Variants in PTPRN2 observed in about 807,000 individuals in gnomAD.
PTPRN2 encodes protein tyrosine phosphatase receptor type N2, also known as receptor-type tyrosine-protein phosphatase N2.
A neutral mutation model predicts 118.8 loss-of-function variants in PTPRN2; 74 were observed. That is an observed-to-expected ratio of 0.62 (90% CI 0.52 to 0.76). PTPRN2 has a LOEUF of 0.76. PTPRN2 is among the 30% of genes least tolerant of loss of function. PTPRN2 has a pLI of 0.00. For synonymous variants in PTPRN2, 641 were observed against 608.0 expected, an observed-to-expected ratio of 1.05 and a Z score of -0.80; for missense variants, 1,481 against 1,394.4, an observed-to-expected ratio of 1.06 and a Z score of -0.99.
intron 3 of PTPRN2, among the ~76,000 whole-genome samples, chr7:158,306,648 C>A (rs1287358497): frequency 6.6e-6 from 1 of 151,996 alleles, no homozygotes; most frequent in Non-Finnish European, 1.5e-5. Flanking sequence ...TAAACAGCAA[C>A]AACAACAACA....
At chr7:157,827,745 C>G (rs977755379) in intron 12 of PTPRN2, among the ~76,000 whole-genome samples, 2 of 152,026 alleles carry the variant, frequency 1.3e-5, no homozygotes, top group Admixed American at 1.3e-4. Context: ...GTCTCCACTA[C>G]GACTCACCGT....
chr7:158,341,377 A>C (rs1424893389), intron 2 of PTPRN2, among the ~76,000 whole-genome samples: 2 of 150,526 alleles, frequency 1.3e-5, no homozygotes, highest in African/African-American at 4.9e-5. Flanking sequence ...GACGTCACTC[A>C]CACCCACACT....
chr7:158,454,870 A>C (rs1349700315), intron 2 of PTPRN2, among the ~76,000 whole-genome samples: 1 of 152,166 alleles, frequency 6.6e-6, no homozygotes, highest in African/African-American at 2.4e-5. Context: ...TGTGTTCAAA[A>C]ACAGAGATGA....
intron 5 of PTPRN2, among the ~76,000 whole-genome samples, chr7:158,175,859 C>G (rs1041482489): frequency 1.3e-5 from 2 of 152,144 alleles, no homozygotes; most frequent in African/African-American, 4.8e-5. Flanking sequence ...ATGATGCATT[C>G]TGAGAGTCTG....
chr7:158,424,321 G>C (rs538199201), intron 2 of PTPRN2, among the ~76,000 whole-genome samples: 78 of 152,324 alleles, frequency 5.1e-4, no homozygotes, highest in Middle Eastern at 3.4e-3. Flanking sequence ...GATTCCCCCA[G>C]CTGTAATGGA....
At position 158,133,764 on chromosome 7, in the gene PTPRN2, C is replaced by A. The variant is rs1445532535; in HGVS notation, c.1469G>T (p.Gly490Val). The change falls in exon 9 of 23, where the codon GGT becomes GTT. Residue 490 changes from glycine to valine, a missense_variant. Gly to Val is a moderately radical substitution (Grantham distance 109). Transcript: ENST00000389418. The part of the protein sequence containing the change: ...PSKEEQSLPA[G>V]AQEALSDGLQ... ...GCCGTCGCTGAGGGCCTCCTGAGCA[C>A]CCGCTGGAAGGCTCTGCTCCTCCTT... is the stretch of plus-strand genomic sequence containing the variant. 1.2e-6 allele frequency: 2 copies of A among 1,613,736 alleles called. No homozygotes were observed. Among genetic ancestry groups the A allele is most frequent in the Admixed American group, 1.7e-5 (1 of 60,006 alleles).
intron 12 of PTPRN2, among the ~76,000 whole-genome samples, chr7:157,880,712 G>A (rs552696207): frequency 1.3e-5 from 2 of 152,310 alleles, no homozygotes; most frequent in African/African-American, 4.8e-5. Flanking sequence ...GATCTGAAGG[G>A]TTTTTGGACA....
At chr7:157,736,727 G>A (rs1800319380) in intron 12 of PTPRN2, among the ~76,000 whole-genome samples, 1 of 148,800 alleles carries the variant, frequency 6.7e-6, no homozygotes. Flanking sequence ...GGGAGGCTTG[G>A]TGTCCGCCCC....
chr7:158,331,136 A>T (rs1443134877), intron 2 of PTPRN2, among the ~76,000 whole-genome samples: 9 of 137,524 alleles, frequency 6.5e-5, no homozygotes, highest in African/African-American at 8.3e-5. Flanking sequence ...ATAAGAGCTG[A>T]CGCCCGCAGA....
At position 157,550,029 on chromosome 7, in the gene PTPRN2, G is replaced by A. The variant is rs868855088; in HGVS notation, c.2903-1010C>T. 3.9e-5 allele frequency among the ~76,000 whole-genome samples: 6 copies of A among 152,234 alleles called. No individual in the cohort carries two copies. The highest frequency in any genetic ancestry group is 1.9e-4 in the East Asian group (1 of 5,202). On this transcript the variant is annotated intron_variant, in intron 21 of 22. Transcript: ENST00000389418. The surrounding 1 kb of genome is among the most constrained non-coding windows in gnomAD (Gnocchi z 5.2). ...CGCAGCCATTGGAACCCCAACTACCGTGGGCAGGACAGCGCTGGCCGAAGA... is the reference window on the plus strand; with the variant it reads ...CGCAGCCATTGGAACCCCAACTACCATGGGCAGGACAGCGCTGGCCGAAGA...
At chr7:157,971,032 C>G (rs552397939) in intron 11 of PTPRN2, among the ~76,000 whole-genome samples, 1 of 152,300 alleles carries the variant, frequency 6.6e-6, no homozygotes, top group African/African-American at 2.4e-5. Flanking sequence ...AGTTCACCAC[C>G]TCTTCCTCTG....
intron 2 of PTPRN2, among the ~76,000 whole-genome samples, chr7:158,330,653 CCA>C (rs1804180427): frequency 1.2e-5 from 1 of 85,412 alleles, no homozygotes. Flanking sequence ...TCACTCACAC[CCA>C]CACTCTCACA....
rs771778391 is a variant in PTPRN2 at position 157,621,383 on chromosome 7, G to A, written c.2323C>T (p.Arg775Cys). 68 of 1,539,312 alleles carry A rather than the reference G, an allele frequency of 4.4e-5. No homozygotes were observed. In the South Asian group the frequency reaches 4.4e-4, roughly 10 times the overall value. Residue 775 changes from arginine to cysteine, a missense_variant, in exon 15 of 23, where the codon CGC becomes TGC. Around this residue, in one of 3 missense-constraint regions of PTPRN2, gnomAD observed 362 missense variants for 384.1 expected, o/e 0.94. Transcript: ENST00000389418. The part of the protein sequence containing the change: ...AQREENVPKN[R>C]SLAVLTYDHS... ...GTACAGGTCAGCACGGCCAGGGAGC[G>A]GTTCTTGGGCACGTTCTCCTCCCTC... is the stretch of plus-strand genomic sequence containing the variant.
chr7:158,571,985 C>G (rs1417755326), intron 1 of PTPRN2, among the ~76,000 whole-genome samples: 4 of 152,102 alleles, frequency 2.6e-5, no homozygotes, highest in African/African-American at 9.7e-5. Flanking sequence ...AAGATAAGCA[C>G]TAGGAATGCA....
In PTPRN2 at chr7:158,104,459, G is replaced by A. The variant is rs182077307; in HGVS notation, c.1643+6370C>T. On this transcript the variant is annotated intron_variant, in intron 10 of 22. Coordinates refer to ENST00000389418, the MANE Select transcript of PTPRN2 (RefSeq NM_002847.5). ...TAGTAAGACACCAAGATCAGCAGCA[G>A]GGCCCCTCACAAGATGAAAAAGGAG... 1.5e-4 allele frequency among the ~76,000 whole-genome samples: 23 copies of A among 152,266 alleles called. No homozygotes were observed. In the East Asian group the frequency reaches 4.2e-3, roughly 28 times the overall value.
intron 2 of PTPRN2, among the ~76,000 whole-genome samples, chr7:158,486,797 C>G (rs1821065146): frequency 6.6e-6 from 1 of 152,148 alleles, no homozygotes; most frequent in African/African-American, 2.4e-5. Context: ...TTAAAATTTA[C>G]CATCTTAGCC....
At chr7:158,474,662 G>A (rs1324760919) in intron 2 of PTPRN2, among the ~76,000 whole-genome samples, 3 of 152,152 alleles carry the variant, frequency 2.0e-5, no homozygotes, top group Non-Finnish European at 2.9e-5. Context: ...CAGCTAAGAG[G>A]CGGGTGCCCG....
intron 12 of PTPRN2, among the ~76,000 whole-genome samples, chr7:157,733,183 T>C (rs1256611041): frequency 3.3e-5 from 1 of 29,976 alleles, no homozygotes; most frequent in Non-Finnish European, 6.2e-5. Context: ...CCCTTTCCCG[T>C]CCCATGCGCC....
At chr7:157,561,288 C>A (rs887568672) in intron 21 of PTPRN2, among the ~76,000 whole-genome samples, 5 of 152,244 alleles carry the variant, frequency 3.3e-5, no homozygotes, top group Admixed American at 6.5e-5. Flanking sequence ...TCCTCCAGCA[C>A]CTGCCTGGGT....
Sources: gnomAD v4.1 joint callset for allele counts (sites outside exome capture counted in the v4.1 genomes callset) on GRCh38, gnomAD v4.1.1 for gene constraint, gnomAD v4.1.1 regional missense constraint, Gnocchi (gnomAD v3.1) non-coding constraint, MANE v1.5 for transcripts, NCBI Gene and HGNC (gene_info 2026-07-23, HGNC 2026-07-21) for gene names.